The following ERC1 variants were observed in gnomAD, a reference collection of about 807,000 sequenced individuals.
ERC1 encodes ELKS/RAB6-interacting/CAST family member 1, also known as RAB6 interacting protein 2.
A neutral mutation model predicts 132.0 loss-of-function variants in ERC1; 56 were observed. That is an observed-to-expected ratio of 0.42 (90% CI 0.34 to 0.53). The LOEUF (loss-of-function observed/expected upper bound fraction) is 0.53. Ranked by LOEUF, ERC1 falls within the 20% of genes least tolerant of loss-of-function variation. ERC1 has a pLI of 0.03. For synonymous variants in ERC1, 478 were observed against 476.1 expected (o/e 1.00, Z -0.05); for missense variants, 1,202 against 1,349.9 (o/e 0.89, Z 1.72).
intron 15 of ERC1, among the ~76,000 whole-genome samples, chr12:1,340,680 C>T (rs1192918358): frequency 6.6e-6 from 1 of 152,144 alleles, no homozygotes; most frequent in East Asian, 1.9e-4. Flanking sequence ...CACTGCCTTC[C>T]CTCTGAAGGT....
At chr12:1,297,122 A>C (rs1007336413) in intron 15 of ERC1, among the ~76,000 whole-genome samples, 11 of 152,052 alleles carry the variant, frequency 7.2e-5, no homozygotes, top group Non-Finnish European at 1.5e-4. Context: ...CACAGTGCAT[A>C]AAGGGAAACT....
intron 7 of ERC1, among the ~76,000 whole-genome samples, chr12:1,118,807 G>A (rs1489651911): frequency 2.6e-5 from 4 of 152,112 alleles, no homozygotes; most frequent in Non-Finnish European, 4.4e-5. Flanking sequence ...CCCAGACTTC[G>A]ATCTAACACT....
intron 18 of ERC1, among the ~76,000 whole-genome samples, chr12:1,461,881 A>G (rs2093651892): frequency 6.6e-6 from 1 of 152,144 alleles, no homozygotes; most frequent in African/African-American, 2.4e-5. Flanking sequence ...CAAACTTTAA[A>G]CTTCTATTCA....
intron 15 of ERC1, among the ~76,000 whole-genome samples, chr12:1,345,324 G>A (rs1595134388): frequency 6.6e-6 from 1 of 151,964 alleles, no homozygotes; most frequent in South Asian, 2.1e-4. Flanking sequence ...GGGACTACAG[G>A]TGCCCACCAC....
intron 1 of ERC1, among the ~76,000 whole-genome samples, chr12:1,001,996 G>T (rs932701421): frequency 3.3e-5 from 5 of 151,240 alleles, no homozygotes; most frequent in African/African-American, 1.2e-4. Context: ...GAGTAGCTGG[G>T]ATTACAGGTG....
upstream of ERC1, chr12:990,465 G>A (rs1959170581): frequency 6.6e-6 from 1 of 152,178 alleles, no homozygotes; most frequent in African/African-American, 2.4e-5. Context: ...AGCTGTCGGA[G>A]GCTAAATAAA....
At position 1,395,178 on chromosome 12, in the gene ERC1, A is replaced by C. The variant is rs922191308; in HGVS notation, c.2926-12971A>C. On this transcript the variant is annotated intron_variant, in intron 16 of 18. Transcript: ENST00000360905. ...AGTGACCAGGAGCAAAGGCTCAACC[A>C]CTCTTTGTTTTTGAACAGTTTCATT... Among the ~76,000 whole-genome samples, 5 of 151,938 alleles carry C rather than the reference A, an allele frequency of 3.3e-5. No homozygotes were observed. In the East Asian group the frequency reaches 9.7e-4, roughly 29 times the overall value.
At chr12:1,371,418 A>G (rs998897155) in intron 15 of ERC1, among the ~76,000 whole-genome samples, 27 of 152,226 alleles carry the variant, frequency 1.8e-4, no homozygotes, top group Admixed American at 1.1e-3. Context: ...CATTTACTCC[A>G]GGTGTGAACT....
chr12:1,481,772 G>T (rs1592317957), intron 18 of ERC1, among the ~76,000 whole-genome samples: 1 of 152,038 alleles, frequency 6.6e-6, no homozygotes, highest in African/African-American at 2.4e-5. Flanking sequence ...GTCTGCCTCT[G>T]GTTTTTTTTT....
At chr12:1,417,673 C>T (rs1348416651) in intron 17 of ERC1, among the ~76,000 whole-genome samples, 10 of 151,060 alleles carry the variant, frequency 6.6e-5, no homozygotes, top group Middle Eastern at 3.5e-3. Context: ...CCCAGCTACT[C>T]GGAAGGCTGA....
chr12:1,031,423 G>A (rs1488040966), intron 2 of ERC1, among the ~76,000 whole-genome samples: 1 of 151,986 alleles, frequency 6.6e-6, no homozygotes, highest in Non-Finnish European at 1.5e-5. Context: ...TATCTAAATC[G>A]TTATTTTTAA....
intron 7 of ERC1, among the ~76,000 whole-genome samples, chr12:1,140,854 G>C (rs189350255): frequency 2.6e-4 from 39 of 152,104 alleles, no homozygotes; most frequent in Admixed American, 9.8e-4. Flanking sequence ...CTCATTAATA[G>C]TTTTTTATAT....
At chr12:1,394,786 G>C (rs955537970) in intron 16 of ERC1, among the ~76,000 whole-genome samples, 1 of 152,216 alleles carries the variant, frequency 6.6e-6, no homozygotes, top group Non-Finnish European at 1.5e-5. Flanking sequence ...CTGAGGGACT[G>C]AGTCAATTGA....
At chr12:1,053,954 T>A (rs906404033) in intron 2 of ERC1, among the ~76,000 whole-genome samples, 3 of 152,228 alleles carry the variant, frequency 2.0e-5, no homozygotes, top group African/African-American at 7.2e-5. Context: ...TAAGCTAGCC[T>A]TGACCTTTTG....
At chr12:1,419,739 G>A (rs546614523) in intron 17 of ERC1, among the ~76,000 whole-genome samples, 4 of 151,830 alleles carry the variant, frequency 2.6e-5, no homozygotes, top group East Asian at 3.9e-4. Flanking sequence ...ACAACAGTGT[G>A]AAAGTATTTA....
intron 7 of ERC1, among the ~76,000 whole-genome samples, chr12:1,140,509 G>C (rs1949764476): frequency 6.6e-6 from 1 of 152,128 alleles, no homozygotes; most frequent in African/African-American, 2.4e-5. Context: ...AAAAGTTCTG[G>C]AGTTTGGAGC....
At chr12:1,228,319 C>A (rs968724780) in intron 12 of ERC1, among the ~76,000 whole-genome samples, 1 of 51,718 alleles carries the variant, frequency 1.9e-5, no homozygotes, top group Non-Finnish European at 3.6e-5. Flanking sequence ...CCTTTGTCTT[C>A]TAGTTTTTAG....
chr12:1,143,271 C>CATCTTCCCATCTCAGCCTCCCAAG lies in ERC1; in HGVS notation c.1737+1485_1737+1508dup, dbSNP rs1241019937. On this transcript the variant is annotated intron_variant, in intron 8 of 18. Coordinates refer to ENST00000360905, the MANE Select transcript of ERC1 (RefSeq NM_178040.4). ...TGGTCTCAAACTCCTGGCCCTAAGC[C>CATCTTCCCATCTCAGCCTCCCAAG]ATCTTCCCATCTCAGCCTCCCAAGG... Among the ~76,000 whole-genome samples the CATCTTCCCATCTCAGCCTCCCAAG allele has an allele frequency of 2.0e-5, 3 of 151,184 alleles. No individual in the cohort carries two copies. The East Asian group carries it at 5.9e-4, about 30-fold the overall frequency.
chr12:1,241,847 C>CTTTTTTTTTTTTTTTTTTTTTTTTTT (rs57016547), intron 13 of ERC1, among the ~76,000 whole-genome samples: 5 of 80,490 alleles, frequency 6.2e-5, no homozygotes, highest in African/African-American at 1.6e-4. Context: ...TCTTCTTCTT[C>CTTTTTTTTTTTTTTTTTTTTTTTTTT]TTTTTTTTTT....
Sources: allele counts gnomAD v4.1 joint callset (sites outside exome capture counted in the v4.1 genomes callset), GRCh38; gene constraint gnomAD v4.1.1; transcripts MANE v1.5; gene names NCBI Gene and HGNC (gene_info 2026-07-23, HGNC 2026-07-21).